ARG1: variants seen among roughly 807,000 people sequenced by gnomAD.
ARG1 encodes arginase-1.
ARG1 carries 20 observed loss-of-function variants against 33.0 expected under a neutral mutation model. The ratio of observed to expected loss-of-function variants is 0.61; its 90% confidence interval spans 0.43 to 0.88. The LOEUF (loss-of-function observed/expected upper bound fraction) is 0.88. ARG1 is among the 40% of genes least tolerant of loss of function. The pLI is 0.00. For synonymous variants in ARG1, 146 were observed against 140.6 expected (o/e 1.04, Z -0.27); for missense variants, 374 against 384.7 (o/e 0.97, Z 0.23).
chr6:131,583,774 A>C lies in ARG1; in HGVS notation c.835A>C (p.Asn279His), dbSNP rs773398169. Residue 279 changes from asparagine (N) to histidine (H), a missense_variant, in exon 8 of 8, where the codon AAC becomes CAC. Transcript: ENST00000368087. ...LLSGLDIMEV[N>H]PSLGKTPEEV... is the part of the protein sequence containing the mutation. ...CTCAGGATTAGATATAATGGAAGTGAACCCATCCCTGGGGAAGACACCAGA... is the reference window on the plus strand; with the variant it reads ...CTCAGGATTAGATATAATGGAAGTGCACCCATCCCTGGGGAAGACACCAGA... 6.2e-7 allele frequency: 1 copy of C among 1,614,100 alleles called. No homozygotes were observed. Among genetic ancestry groups the C allele is most frequent in the Non-Finnish European group, 8.5e-7 (1 of 1,179,968 alleles).
chr6:131,576,253 C>T (rs1773607188), intron 1 of ARG1, among the ~76,000 whole-genome samples: 3 of 152,208 alleles, frequency 2.0e-5, no homozygotes, highest in Admixed American at 2.0e-4. Context: ...CTCCTATCAG[C>T]TTATGAGGGA....
intron 2 of ARG1, among the ~76,000 whole-genome samples, chr6:131,578,312 C>A (rs1773730759): frequency 6.6e-6 from 1 of 151,912 alleles, no homozygotes; most frequent in Admixed American, 6.6e-5. Context: ...TTCTTGGAGG[C>A]GTTACTAAAT....
chr6:131,582,389 C>A (rs994499212), intron 4 of ARG1, among the ~76,000 whole-genome samples: 1 of 151,990 alleles, frequency 6.6e-6, no homozygotes, highest in African/African-American at 2.4e-5. Flanking sequence ...AAAGAAGGGC[C>A]CAGCAGGACT....
In ARG1 at chr6:131,583,267, A is replaced by ACTT. The variant is rs1774031650; in HGVS notation, c.666-87_666-85dup. ...TCTTTACATGAAATAATGGGTTGCT[A>ACTT]CTTTTTATAAAACAAGTTAACAGAT... On this transcript the variant is annotated intron_variant, in intron 6 of 7. Transcript: ENST00000368087. 6 of 1,605,960 alleles carry ACTT rather than the reference A, an allele frequency of 3.7e-6. No individual in the cohort carries two copies. In the South Asian group the frequency reaches 6.6e-5, roughly 18 times the overall value.
chr6:131,583,647 T>C, intron 7 of ARG1, 95 bp from the exon 8 acceptor site: 1 of 1,525,128 alleles, frequency 6.6e-7, no homozygotes, highest in Non-Finnish European at 9.0e-7. Flanking sequence ...GGTTACTACC[T>C]TTTTCTGTTA....
chr6:131,575,354 CAG>C (rs771412329), intron 1 of ARG1, among the ~76,000 whole-genome samples: 2 of 152,038 alleles, frequency 1.3e-5, no homozygotes, highest in Non-Finnish European at 2.9e-5. Flanking sequence ...AAGACAAAAA[CAG>C]ACACAAAACT....
chr6:131,575,419 A>G (rs1010152265), intron 1 of ARG1, among the ~76,000 whole-genome samples: 9 of 152,100 alleles, frequency 5.9e-5, no homozygotes, highest in Non-Finnish European at 1.2e-4. Context: ...AGAAGGAGAA[A>G]TCATGTTTAC....
intron 1 of ARG1, chr6:131,574,390 A>G: frequency 2.1e-6 from 3 of 1,426,712 alleles, no homozygotes; most frequent in Non-Finnish European, 3.0e-6. Flanking sequence ...AAATCCTCCA[A>G]AAGTCTCTCC....
At chr6:131,574,317 G>A (rs932644214) in intron 1 of ARG1, 1 of 1,613,854 alleles carries the variant, frequency 6.2e-7, no homozygotes, top group Non-Finnish European at 8.5e-7. Flanking sequence ...ATTGAGAGAG[G>A]CCAGAGGTTA....
At chr6:131,576,193 T>C (rs1284328486) in intron 1 of ARG1, among the ~76,000 whole-genome samples, 1 of 152,254 alleles carries the variant, frequency 6.6e-6, no homozygotes, top group East Asian at 1.9e-4. Context: ...GGACATTTTA[T>C]ATCATCACTG....
chr6:131,576,656 T>C lies in ARG1; in HGVS notation c.58-7T>C, dbSNP rs763301564. On this transcript the variant is annotated splice_region_variant and splice_polypyrimidine_tract_variant and intron_variant, in intron 1 of 7. Coordinates refer to ENST00000368087, the MANE Select transcript of ARG1 (RefSeq NM_000045.4). The stretch of plus-strand genomic sequence containing the variant: ...TGTCTGAAGTACTTTATTTTTTAAT[T>C]GTTCAGCCACGAGGAGGGGTGGAAG... 6.2e-7 allele frequency: 1 copy of C among 1,613,342 alleles called. No individual in the cohort carries two copies. The highest frequency in any genetic ancestry group is 8.5e-7 in the Non-Finnish European group (1 of 1,179,284).
rs1700711482 is a variant in ARG1 at position 131,583,745 on chromosome 6, T to C, written c.806T>C (p.Leu269Pro). ...TTATTACAATTTGTTGTTGTAGGGC[T>C]ACTCTCAGGATTAGATATAATGGAA... Reference protein sequence around the residue: ...YITEEIYKTGLLSGLDIMEVN... With the variant: ...YITEEIYKTGPLSGLDIMEVN... The change falls in exon 8 of 8, where the codon CTA becomes CCA. Residue 269 changes from leucine (L) to proline (P), a missense_variant. By Grantham distance (98) the Leu-to-Pro change is moderately conservative. Coordinates refer to ENST00000368087, the MANE Select transcript of ARG1 (RefSeq NM_000045.4). 1 of 1,613,648 alleles carries C rather than the reference T, an allele frequency of 6.2e-7. No homozygotes were observed. Among genetic ancestry groups the C allele is most frequent in the Admixed American group, 1.7e-5 (1 of 60,010 alleles).
At chr6:131,576,833 A>G (rs1773636157) in intron 2 of ARG1, 98 bp downstream of exon 2, 3 of 1,096,848 alleles carry the variant, frequency 2.7e-6, no homozygotes, top group Admixed American at 3.7e-5. Context: ...GAATATTTAC[A>G]TCAGAATTGC....
Position 131,573,248 on chromosome 6 carries a change from G to A in ARG1, c.-35G>A. ...TCTGTCACTGAGGGTTGACTGACTG[G>A]AGAGCTCAAGTGCAGCAAAGAGAAG... On this transcript the variant is annotated 5_prime_UTR_variant, in exon 1 of 8. Coordinates refer to ENST00000368087, the MANE Select transcript of ARG1 (RefSeq NM_000045.4). 3.1e-6 allele frequency: 5 copies of A among 1,613,384 alleles called. No homozygotes were observed. The highest frequency in any genetic ancestry group is 3.4e-6 in the Non-Finnish European group (4 of 1,179,394).
intron 2 of ARG1, among the ~76,000 whole-genome samples, chr6:131,578,457 T>G (rs1773739518): frequency 6.6e-6 from 1 of 152,174 alleles, no homozygotes; most frequent in South Asian, 2.1e-4. Flanking sequence ...GCACACCCAG[T>G]CCTTAGGAAT....
chr6:131,581,850 C>CCA (rs1174108968), intron 4 of ARG1, among the ~76,000 whole-genome samples: 1 of 152,122 alleles, frequency 6.6e-6, no homozygotes, highest in Non-Finnish European at 1.5e-5. Flanking sequence ...GGTTTATGAA[C>CCA]TAATGTATTT....
Position 131,583,865 on chromosome 6 carries a change from A to G in ARG1, c.926A>G (p.Glu309Gly), listed in dbSNP as rs775225648. Reference sequence around the variant, plus strand: ...TTGGCTTGTTTCGGACTTGCTCGGGAGGGTAATCACAAGCCTATTGACTAC... The same window carrying G: ...TTGGCTTGTTTCGGACTTGCTCGGGGGGGTAATCACAAGCCTATTGACTAC... Reference protein sequence around the residue: ...ITLACFGLAREGNHKPIDYLN... With the variant: ...ITLACFGLARGGNHKPIDYLN... Residue 309 changes from glutamate to glycine, a missense_variant, in exon 8 of 8, where the codon GAG becomes GGG. Glu to Gly is a moderately conservative substitution (Grantham distance 98, BLOSUM62 -2). Transcript: ENST00000368087. The G allele has an allele frequency of 5.0e-6, 8 of 1,614,012 alleles. No individual in the cohort carries two copies. The Admixed American group carries it at 1.2e-4, about 24-fold the overall frequency.
rs1585419999 is a variant in ARG1, at chr6:131,581,276, C to T, written c.363C>T (p.Ile121=). 1.9e-6 allele frequency: 3 copies of T among 1,613,932 alleles called. No individual in the cohort carries two copies. Among genetic ancestry groups the T allele is most frequent in the Non-Finnish European group, 2.5e-6 (3 of 1,179,858 alleles). ...HARVHPDLGV[I]WVDAHTDINT... ...GGGTCCACCCTGATCTTGGAGTCAT[C>T]TGGGTGGATGCTCACACTGATATCA... Residue 121 remains isoleucine (I), a synonymous_variant, in exon 4 of 8, where the codon ATC becomes ATT. Transcript: ENST00000368087.
At position 131,581,099 on chromosome 6, in the gene ARG1, T is replaced by TATCA. The variant is rs146174141; in HGVS notation, c.306-119_306-116dup. 0.011 allele frequency: 10,613 copies of TATCA among 959,926 alleles called. 691 individuals are homozygous for TATCA. In the African/African-American group the frequency reaches 0.14, roughly 13 times the overall value. 59.5% of individuals were successfully genotyped at this position (959,926 alleles called of 1,614,324 possible). A position where few individuals can be genotyped will look rare whatever the true frequency, so the allele number is the denominator to read the frequency against. On this transcript the variant is annotated intron_variant, in intron 3 of 7. Transcript: ENST00000368087. Reference sequence around the variant, plus strand: ...TAATTGGCATCTCCAATTCAGAACCTATCAGAAATATCAGACACTGTGACT... The same window carrying TATCA: ...TAATTGGCATCTCCAATTCAGAACCTATCAATCAGAAATATCAGACACTGTGACT...
Sources: allele counts gnomAD v4.1 joint callset (sites outside exome capture counted in the v4.1 genomes callset), GRCh38; gene constraint gnomAD v4.1.1; transcripts MANE v1.5; gene names NCBI Gene and HGNC (gene_info 2026-07-23, HGNC 2026-07-21).